MIDN: variants seen among roughly 807,000 people sequenced by gnomAD.
MIDN encodes midbrain nucleolar protein.
In MIDN, 26 loss-of-function variants were observed where a neutral mutation model predicts 46.1. The ratio of observed to expected loss-of-function variants is 0.56; its 90% CI spans 0.41 to 0.78. The LOEUF is 0.78. Ranked by LOEUF, MIDN falls within the 30% of genes least tolerant of loss-of-function variation. MIDN has a pLI of 0.00. For synonymous variants in MIDN, 432 were observed against 343.3 expected (o/e 1.26, Z -2.86); for missense variants, 850 against 771.8 (o/e 1.10, Z -1.20).
At position 1,254,016 on chromosome 19, in the gene MIDN, T is replaced by A. The variant is rs1236372715; in HGVS notation, c.447T>A (p.Ile149=). 1 of 1,414,880 alleles carries A rather than the reference T, an allele frequency of 7.1e-7. No individual in the cohort carries two copies. Among genetic ancestry groups the A allele is most frequent in the African/African-American group, 1.5e-5 (1 of 65,650 alleles). 87.6% of individuals were successfully genotyped at this position (1,414,880 alleles called of 1,614,324 possible). The stretch of plus-strand genomic sequence containing the variant: ...GAGGCTTCCGGAAATACAGATTCAT[T>A]TTATTTAAGCGTCCGTGGCACCGAC... ...GGGGFRKYRF[I]LFKRPWHRQG... The change falls in exon 5 of 9, where the codon ATT becomes ATA. Residue 149 remains isoleucine (I), a synonymous_variant. Coordinates refer to ENST00000682408, the MANE Select transcript of MIDN (RefSeq NM_001388306.1).
In MIDN at chr19:1,254,390, C is replaced by T. The variant is rs373111260; in HGVS notation, c.737C>T (p.Pro246Leu). 81 of 1,561,850 alleles carry T rather than the reference C, an allele frequency of 5.2e-5. No homozygotes were observed. The African/African-American group carries it at 6.7e-4, about 13-fold the overall frequency. ...RPVSSAARVP[P>L]VPTSPSPASP... is the part of the protein sequence containing the mutation. ...GTGTCCAGTGCCGCCCGAGTCCCCC[C>T]GGTGCCCACCAGCCCGTCCCCTGCA... Residue 246 changes from proline (P) to leucine (L), a missense_variant, in exon 6 of 9, where the codon CCG becomes CTG. Transcript: ENST00000682408.
intron 6 of MIDN, 47 bp from the exon 7 acceptor site, chr19:1,254,855 T>A (rs757794401): frequency 1.9e-6 from 3 of 1,554,466 alleles, no homozygotes; most frequent in Non-Finnish European, 2.6e-6. Flanking sequence ...TTGCTGGTGA[T>A]CCCCTGATCC....
At chr19:1,249,129 G>C (rs1464544151) in intron 1 of MIDN, among the ~76,000 whole-genome samples, 1 of 150,656 alleles carries the variant, frequency 6.6e-6, no homozygotes, top group Non-Finnish European at 1.5e-5. Flanking sequence ...CGCGGGCGCA[G>C]CCGGGGACGC....
chr19:1,254,223 C>T lies in MIDN; in HGVS notation c.570C>T (p.Asp190=), dbSNP rs2081169121. ...TGACACTGGCCTTGCGTGTGGGCGA[C>T]CACATGATGTTCGTGCAGCTGCAGC... ...SPLTLALRVG[D]HMMFVQLQLA... is the part of the protein sequence containing the mutation. The change falls in exon 6 of 9, where the codon GAC becomes GAT. Residue 190 remains aspartate (D), a synonymous_variant. Coordinates refer to ENST00000682408, the MANE Select transcript of MIDN (RefSeq NM_001388306.1). 4 of 1,598,056 alleles carry T rather than the reference C, an allele frequency of 2.5e-6. No homozygotes were observed. The East Asian group carries it at 9.0e-5, about 36-fold the overall frequency.
chr19:1,251,936 C>T (rs780503537), intron 4 of MIDN, 35 bp downstream of exon 4: 3 of 1,590,992 alleles, frequency 1.9e-6, no homozygotes, highest in African/African-American at 1.3e-5. Context: ...AACAGGGCAG[C>T]CCTGGGAGCA....
intron 2 of MIDN, chr19:1,251,325 G>T: frequency 3.7e-6 from 2 of 537,724 alleles, no homozygotes; most frequent in South Asian, 4.7e-5. Context: ...GGGTGCCAGA[G>T]TCCAGGGCGG....
intron 7 of MIDN, 28 bp downstream of exon 7, chr19:1,255,089 C>G (rs368511940): frequency 2.5e-6 from 4 of 1,597,882 alleles, no homozygotes; most frequent in Non-Finnish European, 3.4e-6. Context: ...TGTGTGAGCT[C>G]ACGTGTGTCC....
At position 1,259,103 on chromosome 19, in the gene MIDN, G is replaced by A. The variant is rs997793827; in HGVS notation, c.*1831G>A. ...TTGAAAAAAAAAAAAAAACCTACACGAGCACCGTGATTTCAAGTAATAAAC... is the reference window on the plus strand; with the variant it reads ...TTGAAAAAAAAAAAAAAACCTACACAAGCACCGTGATTTCAAGTAATAAAC... On this transcript the variant is annotated 3_prime_UTR_variant, in exon 9 of 9. Transcript: ENST00000682408. 1.3e-5 allele frequency: 2 copies of A among 149,868 alleles called. No homozygotes were observed. Among genetic ancestry groups the A allele is most frequent in the Non-Finnish European group, 3.0e-5 (2 of 67,536 alleles). The allele number at this position is 149,868 out of a possible 1,614,324, so 9.3% of individuals were successfully genotyped here.
chr19:1,252,683 T>G (rs977756578), intron 4 of MIDN, among the ~76,000 whole-genome samples: 11 of 152,074 alleles, frequency 7.2e-5, no homozygotes, highest in Non-Finnish European at 1.2e-4. Context: ...GGACGCAGGC[T>G]GCCACCCGCC....
chr19:1,248,933 G>A (rs1259270365), intron 1 of MIDN, among the ~76,000 whole-genome samples: 2 of 151,888 alleles, frequency 1.3e-5, no homozygotes, highest in Non-Finnish European at 2.9e-5. Context: ...CCAGCCACAC[G>A]GTCCCAGTCT....
Position 1,257,447 on chromosome 19 carries a change from G to A in MIDN, c.*175G>A. 2 of 588,016 alleles carry A rather than the reference G, an allele frequency of 3.4e-6. No individual in the cohort carries two copies. Among genetic ancestry groups the A allele is most frequent in the Non-Finnish European group, 5.9e-6 (2 of 336,444 alleles). The allele number at this position is 588,016 out of a possible 1,614,324, so 36.4% of individuals were successfully genotyped here. On this transcript the variant is annotated 3_prime_UTR_variant, in exon 9 of 9. Transcript: ENST00000682408. ...TTTTTTTCTTTTTTTAAAAAGTTCT[G>A]ACCGTGGTTTCCTGGACTCTTCATG...
intron 1 of MIDN, among the ~76,000 whole-genome samples, chr19:1,249,679 G>T (rs2081098419): frequency 8.1e-6 from 1 of 122,770 alleles, no homozygotes; most frequent in Non-Finnish European, 1.9e-5. Context: ...GGGCGCTGGG[G>T]GCGGGGCGAG....
intron 1 of MIDN, among the ~76,000 whole-genome samples, chr19:1,249,576 C>T (rs1009582577): frequency 3.3e-5 from 5 of 149,684 alleles, no homozygotes; most frequent in African/African-American, 4.9e-5. Flanking sequence ...TTGCGGGCTC[C>T]GGGCGCTTAT....
At chr19:1,253,009 C>A (rs910570721) in intron 4 of MIDN, among the ~76,000 whole-genome samples, 1 of 131,046 alleles carries the variant, frequency 7.6e-6, no homozygotes, top group Non-Finnish European at 1.6e-5. Flanking sequence ...CCTCCCTGGG[C>A]GCCTGCGTCA....
intron 8 of MIDN, among the ~76,000 whole-genome samples, chr19:1,256,483 A>G (rs2081200749): frequency 6.7e-6 from 1 of 148,150 alleles, no homozygotes; most frequent in Admixed American, 6.7e-5. Flanking sequence ...CTCCGTCTCA[A>G]AAAAAAAAAA....
At chr19:1,256,016 C>G (rs2081195004) in intron 8 of MIDN, among the ~76,000 whole-genome samples, 1 of 152,234 alleles carries the variant, frequency 6.6e-6, no homozygotes, top group Non-Finnish European at 1.5e-5. Context: ...GGCCAGAGCC[C>G]ACCCCTAAGC....
Position 1,257,326 on chromosome 19 carries a change from A to T in MIDN, c.*54A>T, listed in dbSNP as rs2081212296. 2 of 1,509,274 alleles carry T rather than the reference A, an allele frequency of 1.3e-6. No homozygotes were observed. The highest frequency in any genetic ancestry group is 1.8e-5 in the Admixed American group (1 of 55,908). The allele number at this position is 1,509,274 out of a possible 1,614,324, so 93.5% of individuals were successfully genotyped here. A position where few individuals can be genotyped will look rare whatever the true frequency, so the allele number is the denominator to read the frequency against. On this transcript the variant is annotated 3_prime_UTR_variant, in exon 9 of 9. Transcript: ENST00000682408. ...CGCACCCCAGCCCAGGGCGGCGGGG[A>T]CTCCGAGAGCCCCGGAGAGAACGTG...
In MIDN at chr19:1,258,701, C is replaced by T. The variant is rs574357614; in HGVS notation, c.*1429C>T. On this transcript the variant is annotated 3_prime_UTR_variant, in exon 9 of 9. Coordinates refer to ENST00000682408, the MANE Select transcript of MIDN (RefSeq NM_001388306.1). ...TGAACATCACGTGTTATAACTGTAG[C>T]GCTGTAAATTTTTTTGTGGGAGGGT... 3.0e-4 allele frequency: 36 copies of T among 120,784 alleles called. 1 individual carries two copies. Among genetic ancestry groups the T allele is most frequent in the African/African-American group, 9.5e-4 (30 of 31,652 alleles). 7.5% of individuals were successfully genotyped at this position (120,784 alleles called of 1,614,324 possible).
Position 1,250,538 on chromosome 19 carries a change from C to A in MIDN, c.233+9C>A. The A allele has an allele frequency of 8.3e-7, 1 of 1,209,706 alleles. No homozygotes were observed. 74.9% of individuals were successfully genotyped at this position (1,209,706 alleles called of 1,614,324 possible). ...CTTCTCCACAAAGACACGTAGGTAC[C>A]GCGCGCCCCCGGCCGGCCGCCCCCT... On this transcript the variant is annotated intron_variant, in intron 2 of 8. Coordinates refer to ENST00000682408, the MANE Select transcript of MIDN (RefSeq NM_001388306.1).
Sources: gnomAD v4.1 joint callset for allele counts (sites outside exome capture counted in the v4.1 genomes callset) on GRCh38, gnomAD v4.1.1 for gene constraint, MANE v1.5 for transcripts, NCBI Gene and HGNC (gene_info 2026-07-23, HGNC 2026-07-21) for gene names.